The following PCDH9 variants were observed in gnomAD, a reference collection of about 807,000 sequenced individuals.
PCDH9 encodes the protein protocadherin 9.
Under a neutral mutation model 70.6 loss-of-function variants are expected in PCDH9, and 24 were observed. The ratio of observed to expected loss-of-function variants is 0.34; its 90% CI spans 0.25 to 0.48. The LOEUF (loss-of-function observed/expected upper bound fraction) is 0.48, where lower values mean the gene tolerates loss of function less well. PCDH9 is among the 20% of genes least tolerant of loss of function. The pLI is 0.99. For synonymous variants in PCDH9, 562 were observed against 558.5 expected (o/e 1.01, Z -0.09); for missense variants, 1,281 against 1,503.6 (o/e 0.85, Z 2.45).
chr13:66,651,813 T>A (rs1030909601), intron 3 of PCDH9, among the ~76,000 whole-genome samples: 1 of 152,068 alleles, frequency 6.6e-6, no homozygotes, highest in Admixed American at 6.6e-5. Context: ...TAACTCATTA[T>A]GACCCAGTGA....
intron 2 of PCDH9, among the ~76,000 whole-genome samples, chr13:66,917,598 A>T (rs1028738016): frequency 6.6e-6 from 1 of 151,440 alleles, no homozygotes; most frequent in Non-Finnish European, 1.5e-5. Context: ...AAATAAGTTT[A>T]TGGAAAAGAA....
rs534783986 is a variant in PCDH9 at position 66,537,901 on chromosome 13, C to T, written c.3340+93309G>A. Among the ~76,000 whole-genome samples, 466 of 152,070 alleles carry T rather than the reference C, an allele frequency of 3.1e-3. 2 individuals carry two copies. Among genetic ancestry groups the T allele is most frequent in the African/African-American group, 0.011 (447 of 41,502 alleles). ...ATTTTCATTAAACTCCAAATGGACT[C>T]TCCAAGTAATTTATTGTGGATTGTT... is the stretch of plus-strand genomic sequence containing the variant. On this transcript the variant is annotated intron_variant, in intron 4 of 4. Transcript: ENST00000377865.
At chr13:66,408,600 G>T (rs1957322423) in intron 4 of PCDH9, among the ~76,000 whole-genome samples, 1 of 152,102 alleles carries the variant, frequency 6.6e-6, no homozygotes, top group African/African-American at 2.4e-5. Context: ...TAAACATTTG[G>T]ATAGCTCCTT....
At chr13:66,733,889 C>A (rs2079109275) in intron 3 of PCDH9, among the ~76,000 whole-genome samples, 1 of 152,118 alleles carries the variant, frequency 6.6e-6, no homozygotes, top group African/African-American at 2.4e-5. Context: ...AACACATCAA[C>A]CTATTTGTAT....
intron 4 of PCDH9, among the ~76,000 whole-genome samples, chr13:66,351,365 T>C (rs1956288965): frequency 6.6e-6 from 1 of 152,140 alleles, no homozygotes; most frequent in African/African-American, 2.4e-5. Context: ...CTGATGACAA[T>C]ACCAAAAGCT....
intron 4 of PCDH9, among the ~76,000 whole-genome samples, chr13:66,413,175 T>C (rs2138328150): frequency 6.6e-6 from 1 of 152,358 alleles, no homozygotes; most frequent in African/African-American, 2.4e-5. Flanking sequence ...TGTTTCCATA[T>C]GTCCATTGTA....
intron 2 of PCDH9, among the ~76,000 whole-genome samples, chr13:66,998,092 A>G (rs1262733434): frequency 6.6e-6 from 1 of 152,116 alleles, no homozygotes; most frequent in Admixed American, 6.5e-5. Context: ...ATTTTATATG[A>G]AGAATTATCT....
chr13:66,682,677 T>G (rs1185637418), intron 3 of PCDH9, among the ~76,000 whole-genome samples: 1 of 152,182 alleles, frequency 6.6e-6, no homozygotes, highest in African/African-American at 2.4e-5. Flanking sequence ...TTGTAATTTT[T>G]AGAATTTCAC....
At chr13:67,033,098 A>G (rs933309449) in intron 2 of PCDH9, among the ~76,000 whole-genome samples, 2 of 152,034 alleles carry the variant, frequency 1.3e-5, no homozygotes, top group Non-Finnish European at 2.9e-5. Context: ...TTCTTTCTAC[A>G]TCGAGGCACA....
chr13:66,871,072 G>A (rs1237312876), intron 3 of PCDH9, among the ~76,000 whole-genome samples: 2 of 152,012 alleles, frequency 1.3e-5, no homozygotes, highest in Non-Finnish European at 2.9e-5. Flanking sequence ...AAAATGATGA[G>A]TTCATGTCCT....
intron 3 of PCDH9, among the ~76,000 whole-genome samples, chr13:66,680,902 A>G (rs1000351241): frequency 3.9e-5 from 6 of 152,092 alleles, no homozygotes; most frequent in African/African-American, 1.4e-4. Flanking sequence ...AATAAATATT[A>G]TACATATGTA....
At chr13:66,909,546 G>A (rs1283206627) in intron 2 of PCDH9, among the ~76,000 whole-genome samples, 1 of 152,144 alleles carries the variant, frequency 6.6e-6, no homozygotes, top group Admixed American at 6.5e-5. Flanking sequence ...CAGGCAGGCG[G>A]ATCACGAGGT....
chr13:66,649,951 A>G (rs2077827170), intron 3 of PCDH9, among the ~76,000 whole-genome samples: 1 of 151,726 alleles, frequency 6.6e-6, no homozygotes, highest in South Asian at 2.1e-4. Context: ...GCCTCATAGT[A>G]ACCTCAAATT....
intron 2 of PCDH9, among the ~76,000 whole-genome samples, chr13:66,937,126 T>A (rs1313653606): frequency 1.3e-5 from 2 of 152,226 alleles, no homozygotes; most frequent in Non-Finnish European, 2.9e-5. Flanking sequence ...TAATAACAAA[T>A]ACTGCCCTAT....
chr13:66,722,943 G>A (rs960440075), intron 3 of PCDH9, among the ~76,000 whole-genome samples: 1 of 144,462 alleles, frequency 6.9e-6, no homozygotes, highest in Non-Finnish European at 1.5e-5. Context: ...ACTCCAGCCT[G>A]AGCATCAGAG....
At chr13:66,658,290 C>G (rs191009379) in intron 3 of PCDH9, among the ~76,000 whole-genome samples, 64 of 152,170 alleles carry the variant, frequency 4.2e-4, no homozygotes, top group Non-Finnish European at 6.3e-4. Flanking sequence ...ATGTTTATAT[C>G]TCTTTGAATT....
At chr13:67,154,603 T>TACACACACAC (rs1186181243) in intron 2 of PCDH9, among the ~76,000 whole-genome samples, 1 of 84,782 alleles carries the variant, frequency 1.2e-5, no homozygotes, top group African/African-American at 4.9e-5. Flanking sequence ...AAAATATATA[T>TACACACACAC]ATACACACAC....
chr13:66,547,681 T>C (rs1961268963), intron 4 of PCDH9, among the ~76,000 whole-genome samples: 1 of 151,906 alleles, frequency 6.6e-6, no homozygotes, highest in Non-Finnish European at 1.5e-5. Context: ...TCTTTAATAA[T>C]TTGTGAAAGG....
intron 3 of PCDH9, among the ~76,000 whole-genome samples, chr13:66,892,334 G>A (rs546559409): frequency 3.0e-4 from 45 of 150,830 alleles, no homozygotes; most frequent in African/African-American, 9.2e-4. Context: ...TAAAATGTAC[G>A]TTTAATATGT....
Sources: allele counts gnomAD v4.1 joint callset (sites outside exome capture counted in the v4.1 genomes callset), GRCh38; gene constraint gnomAD v4.1.1; transcripts MANE v1.5; gene names NCBI Gene and HGNC (gene_info 2026-07-23, HGNC 2026-07-21).